DGKB: variants seen among roughly 807,000 people sequenced by gnomAD.
The protein encoded by DGKB is 90 kDa diacylglycerol kinase.
A neutral mutation model predicts 114.3 loss-of-function variants in DGKB; 67 were observed. The ratio of observed to expected loss-of-function variants is 0.59; its 90% CI spans 0.48 to 0.72. The LOEUF (loss-of-function observed/expected upper bound fraction) is 0.72. DGKB is among the 30% of genes least tolerant of loss of function. DGKB has a pLI of 0.00. For missense variants in DGKB, 907 were observed against 975.2 expected, an observed-to-expected ratio of 0.93 and a Z score of 0.93; for synonymous variants, 398 against 323.1, an observed-to-expected ratio of 1.23 and a Z score of -2.49.
intron 23 of DGKB, among the ~76,000 whole-genome samples, chr7:14,314,407 C>G (rs1806067733): frequency 6.6e-6 from 1 of 150,408 alleles, no homozygotes; most frequent in African/African-American, 2.4e-5. Flanking sequence ...GAATGTATAA[C>G]TAGAATAACC....
intron 21 of DGKB, among the ~76,000 whole-genome samples, chr7:14,369,078 C>T (rs911981572): frequency 2.6e-5 from 4 of 152,034 alleles, no homozygotes; most frequent in African/African-American, 7.3e-5. Context: ...CCTAGCACCC[C>T]ACCCCCGACA....
intron 21 of DGKB, among the ~76,000 whole-genome samples, chr7:14,471,728 T>C (rs1408639501): frequency 6.6e-6 from 1 of 152,076 alleles, no homozygotes; most frequent in Non-Finnish European, 1.5e-5. Flanking sequence ...GTTCAATCTT[T>C]ATTGCATTTT....
intron 1 of DGKB, among the ~76,000 whole-genome samples, chr7:14,913,026 A>G (rs900595891): frequency 6.6e-6 from 1 of 152,020 alleles, no homozygotes; most frequent in Admixed American, 6.6e-5. Flanking sequence ...CTCATAGAAG[A>G]TGTCATTTCC....
chr7:14,965,068 A>G (rs929213584), intron 1 of DGKB, among the ~76,000 whole-genome samples: 24 of 152,262 alleles, frequency 1.6e-4, no homozygotes, highest in Middle Eastern at 3.4e-3. Flanking sequence ...TGTTAACACA[A>G]ATTTCATTTG....
chr7:14,630,232 G>A lies in DGKB; in HGVS notation c.1167+4C>T, dbSNP rs769002240. On this transcript the variant is annotated splice_donor_region_variant and intron_variant, in intron 14 of 25. Transcript: ENST00000402815. ...AGTGTGAAAACCTGTTTTTGCTTACGCACCTCAGGAACTGAAACTCCTGAA... is the reference window on the plus strand; with the variant it reads ...AGTGTGAAAACCTGTTTTTGCTTACACACCTCAGGAACTGAAACTCCTGAA... 9.1e-6 allele frequency: 14 copies of A among 1,544,572 alleles called. No homozygotes were observed. The highest frequency in any genetic ancestry group is 4.8e-5 in the East Asian group (2 of 41,602).
At chr7:14,364,816 G>A (rs1324861541) in intron 21 of DGKB, among the ~76,000 whole-genome samples, 2 of 151,902 alleles carry the variant, frequency 1.3e-5, no homozygotes, top group Non-Finnish European at 2.9e-5. Context: ...ATGAAGCTCA[G>A]GCCCAGACTG....
intron 1 of DGKB, among the ~76,000 whole-genome samples, chr7:14,939,495 C>T (rs1259867738): frequency 1.3e-5 from 2 of 152,082 alleles, no homozygotes; most frequent in African/African-American, 2.4e-5. Flanking sequence ...AAATTGAGCA[C>T]TCTGACAGGT....
In DGKB at chr7:14,899,841, C is replaced by G. The variant is rs1782708809; in HGVS notation, c.-188+2751G>C. Among the ~76,000 whole-genome samples the G allele has an allele frequency of 4.6e-5, 7 of 152,236 alleles. No individual in the cohort carries two copies. The South Asian group carries it at 1.5e-3, about 32-fold the overall frequency. On this transcript the variant is annotated intron_variant, in intron 1 of 25. Coordinates refer to ENST00000402815, the MANE Select transcript of DGKB (RefSeq NM_001350709.2). ...ATAATATGCTCAACCCCACCCTGAT[C>G]CATAGTAGAGTACCATTTTAATTTT...
intron 23 of DGKB, among the ~76,000 whole-genome samples, chr7:14,338,061 T>C (rs975869692): frequency 2.6e-5 from 4 of 152,114 alleles, no homozygotes; most frequent in African/African-American, 9.7e-5. Flanking sequence ...CTGTTATATA[T>C]GGTACTTAGA....
intron 23 of DGKB, among the ~76,000 whole-genome samples, chr7:14,252,250 T>C (rs573809816): frequency 3.3e-5 from 5 of 152,178 alleles, no homozygotes; most frequent in Non-Finnish European, 7.3e-5. Flanking sequence ...TGTTGAACCC[T>C]TGTGGCTCAT....
intron 5 of DGKB, among the ~76,000 whole-genome samples, chr7:14,720,762 T>C (rs1829040218): frequency 6.6e-6 from 1 of 151,876 alleles, no homozygotes; most frequent in Non-Finnish European, 1.5e-5. Context: ...ATTTCCTTTT[T>C]AATAGAAGTA....
intron 14 of DGKB, among the ~76,000 whole-genome samples, chr7:14,628,694 G>A (rs1346322135): frequency 1.3e-5 from 2 of 152,014 alleles, no homozygotes; most frequent in South Asian, 2.1e-4. Flanking sequence ...TGTTCCTGAT[G>A]GCAGAACATA....
intron 23 of DGKB, among the ~76,000 whole-genome samples, chr7:14,245,682 C>G (rs1794369365): frequency 6.6e-6 from 1 of 152,172 alleles, no homozygotes; most frequent in African/African-American, 2.4e-5. Context: ...AATCCTAGCA[C>G]TTTGGGAGGC....
chr7:14,355,605 C>A (rs1025865043), intron 21 of DGKB, among the ~76,000 whole-genome samples: 7 of 152,176 alleles, frequency 4.6e-5, no homozygotes, highest in African/African-American at 1.7e-4. Flanking sequence ...GTTGAACCAG[C>A]CTTGCATCCC....
chr7:14,465,032 C>T (rs1017410299), intron 21 of DGKB, among the ~76,000 whole-genome samples: 3 of 152,132 alleles, frequency 2.0e-5, no homozygotes, highest in African/African-American at 7.2e-5. Context: ...GGTGAAGATG[C>T]TGTGGGCATT....
intron 5 of DGKB, among the ~76,000 whole-genome samples, chr7:14,726,787 T>C (rs913294441): frequency 6.6e-6 from 1 of 152,230 alleles, no homozygotes; most frequent in Non-Finnish European, 1.5e-5. Context: ...GTGTTTTTGA[T>C]AGATATACAA....
At chr7:14,499,192 T>C (rs561767428) in intron 20 of DGKB, among the ~76,000 whole-genome samples, 1 of 151,814 alleles carries the variant, frequency 6.6e-6, no homozygotes, top group East Asian at 1.9e-4. Flanking sequence ...CCCAAACTTC[T>C]ATATGTTTAA....
chr7:14,824,648 G>A (rs187116828), intron 2 of DGKB, among the ~76,000 whole-genome samples: 18 of 152,082 alleles, frequency 1.2e-4, no homozygotes, highest in Middle Eastern at 6.8e-3. Context: ...GTCACAGCAC[G>A]TCACAACATA....
chr7:14,221,691 G>A (rs549377712), intron 23 of DGKB, among the ~76,000 whole-genome samples: 6 of 151,394 alleles, frequency 4.0e-5, no homozygotes, highest in Non-Finnish European at 8.9e-5. Context: ...CATAGAATTA[G>A]GGAGTATTTC....
Sources: allele counts gnomAD v4.1 joint callset (sites outside exome capture counted in the v4.1 genomes callset), GRCh38; gene constraint gnomAD v4.1.1; transcripts MANE v1.5; gene names NCBI Gene and HGNC (gene_info 2026-07-23, HGNC 2026-07-21).